The following NOTCH2NLR variants were observed in gnomAD, a reference collection of about 807,000 sequenced individuals.
NOTCH2NLR encodes the protein notch 2 N-terminal like R, also known as notch 2 N-terminal like R (pseudogene).
Under a neutral mutation model 35.6 loss-of-function variants are expected in NOTCH2NLR, and 33 were observed. That is an observed-to-expected ratio of 0.93 (90% CI 0.70 to 1.24). NOTCH2NLR has a LOEUF of 1.24. NOTCH2NLR is among the 50% of genes most tolerant of loss of function. The pLI, the probability that NOTCH2NLR is intolerant of heterozygous loss-of-function variation, is 0.00. For synonymous variants in NOTCH2NLR, 103 were observed against 141.0 expected (o/e 0.73, Z 1.91); for missense variants, 276 against 362.2 (o/e 0.76, Z 1.93).
chr1:120,724,630 G>C (rs1241788009), intron 1 of NOTCH2NLR, among the ~76,000 whole-genome samples: 1 of 121,304 alleles, frequency 8.2e-6, no homozygotes, highest in Non-Finnish European at 1.6e-5. Flanking sequence ...GCCTCGGAGG[G>C]GCTGAGCGAA....
At chr1:120,752,587 T>TTTTTTC (rs1651036534) in intron 1 of NOTCH2NLR, among the ~76,000 whole-genome samples, 2 of 40,252 alleles carry the variant, frequency 5.0e-5, no homozygotes, top group Non-Finnish European at 7.8e-5. Context: ...TTTTTTTTTT[T>TTTTTTC]TCAGGCAGAG....
At position 120,763,099 on chromosome 1, in the gene NOTCH2NLR, T is replaced by C. The variant is rs1273126875; in HGVS notation, c.74-529T>C. Among the ~76,000 whole-genome samples, 6 of 67,436 alleles carry C rather than the reference T, an allele frequency of 8.9e-5. 1 individual carries two copies. Among genetic ancestry groups the C allele is most frequent in the Admixed American group, 8.8e-4 (6 of 6,842 alleles). 44.2% of individuals were successfully genotyped at this position (67,436 alleles called of 152,430 possible). A position where few individuals can be genotyped will look rare whatever the true frequency, so the allele number is the denominator to read the frequency against. ...TATTCCATTTCTCCTTTTTTCTGGA[T>C]CCTAATTTTGTGCCTGGTGCATACT... is the stretch of plus-strand genomic sequence containing the variant. On this transcript the variant is annotated intron_variant, in intron 1 of 4. Transcript: ENST00000624419.
chr1:120,784,919 T>A (rs1651404325), intron 2 of NOTCH2NLR, 55 bp from the exon 3 acceptor site: 1 of 1,059,976 alleles, frequency 9.4e-7, no homozygotes, highest in Admixed American at 2.2e-5. Context: ...TACTGTAATT[T>A]TTTGGACTTA....
Position 120,747,436 on chromosome 1 carries a change from C to T in NOTCH2NLR, c.74-16192C>T, listed in dbSNP as rs2101374061. Among the ~76,000 whole-genome samples, 2 of 28,834 alleles carry T rather than the reference C, an allele frequency of 6.9e-5. 1 individual carries two copies. The highest frequency in any genetic ancestry group is 1.7e-3 in the East Asian group (2 of 1,160). 18.9% of individuals were successfully genotyped at this position (28,834 alleles called of 152,430 possible). ...AGTTTCTTTGCATTTTTCTGGCATA[C>T]TGTATACTCTTGAGCGCATATGTAT... is the stretch of plus-strand genomic sequence containing the variant. On this transcript the variant is annotated intron_variant, in intron 1 of 4. Coordinates refer to ENST00000624419, the Ensembl canonical transcript of NOTCH2NLR.
rs1651481166 is a variant in NOTCH2NLR, at chr1:120,790,604, C to G, written c.416-2557C>G. Among the ~76,000 whole-genome samples, 7 of 103,728 alleles carry G rather than the reference C, an allele frequency of 6.7e-5. 2 individuals carry two copies. The South Asian group carries it at 2.0e-3, about 29-fold the overall frequency. 68.0% of individuals were successfully genotyped at this position (103,728 alleles called of 152,430 possible). ...TCTTTCTTTCTTTCTCTTTCTCTCT[C>G]TTTCCCTCTCTCTTTCTGTCTTTCT... On this transcript the variant is annotated intron_variant, in intron 3 of 4. Coordinates refer to ENST00000624419, the Ensembl canonical transcript of NOTCH2NLR.
chr1:120,728,057 G>T lies in NOTCH2NLR; in HGVS notation c.73+3807G>T, dbSNP rs1448173754. On this transcript the variant is annotated intron_variant, in intron 1 of 4. Coordinates refer to ENST00000624419, the Ensembl canonical transcript of NOTCH2NLR. ...GTTGAGACTAGAATTCCTTTCTTCT[G>T]GTGTCCAGTGCCTCATTCACTGTCC... Among the ~76,000 whole-genome samples, 3 of 118,168 alleles carry T rather than the reference G, an allele frequency of 2.5e-5. 1 individual carries two copies. The highest frequency in any genetic ancestry group is 4.9e-5 in the Non-Finnish European group (3 of 61,268). 77.5% of individuals were successfully genotyped at this position (118,168 alleles called of 152,430 possible). A position where few individuals can be genotyped will look rare whatever the true frequency, so the allele number is the denominator to read the frequency against.
At chr1:120,794,489 C>T (rs1321748669), downstream of NOTCH2NLR, among the ~76,000 whole-genome samples, 3 of 112,392 alleles carry the variant, frequency 2.7e-5, 1 homozygote, top group Non-Finnish European at 5.0e-5. Context: ...AGCAGAATTG[C>T]CTCAAAAAGA....
rs1227836804 is a variant in NOTCH2NLR at position 120,790,214 on chromosome 1, C to T, written c.416-2947C>T. The stretch of plus-strand genomic sequence containing the variant: ...TATTTTTAGTAGAGATGGGCTTTCA[C>T]CTTGTTAGCCAGAATGGTCTGGATC... On this transcript the variant is annotated intron_variant, in intron 3 of 4. Transcript: ENST00000624419. Among the ~76,000 whole-genome samples, 5 of 104,814 alleles carry T rather than the reference C, an allele frequency of 4.8e-5. 1 individual carries two copies. Among genetic ancestry groups the T allele is most frequent in the East Asian group, 2.3e-4 (1 of 4,350 alleles). 68.8% of individuals were successfully genotyped at this position (104,814 alleles called of 152,430 possible).
At chr1:120,793,624 G>A in intron 4 of NOTCH2NLR, 123 bp from the exon 5 acceptor site, 1 of 681,474 alleles carries the variant, frequency 1.5e-6, no homozygotes, top group Non-Finnish European at 2.4e-6. Context: ...TGTGGGGTGG[G>A]TTGCTAGTGA....
Position 120,756,216 on chromosome 1 carries a change from C to A in NOTCH2NLR, c.74-7412C>A, listed in dbSNP as rs1302966260. Among the ~76,000 whole-genome samples, 3 of 112,768 alleles carry A rather than the reference C, an allele frequency of 2.7e-5. 1 individual carries two copies. The highest frequency in any genetic ancestry group is 5.0e-5 in the Non-Finnish European group (3 of 59,512). The allele number at this position is 112,768 out of a possible 152,430, so 74.0% of individuals were successfully genotyped here. A position where few individuals can be genotyped will look rare whatever the true frequency, so the allele number is the denominator to read the frequency against. ...CTCCTATTTTTGGTAATAATGCAGGCAGTCATTTTAGAAAACTTTGCTTTG... is the reference window on the plus strand; with the variant it reads ...CTCCTATTTTTGGTAATAATGCAGGAAGTCATTTTAGAAAACTTTGCTTTG... On this transcript the variant is annotated intron_variant, in intron 1 of 4. Transcript: ENST00000624419.
chr1:120,752,554 ATT>A (rs1188849971), intron 1 of NOTCH2NLR, among the ~76,000 whole-genome samples: 5 of 3,740 alleles, frequency 1.3e-3, no homozygotes, highest in African/African-American at 3.4e-3. Context: ...ATATATATAT[ATT>A]TTTTTTTTTT....
rs1455951208 is a variant in NOTCH2NLR, at chr1:120,768,619, A to G, written c.155+4910A>G. ...TGTACCTTCACGATAAAAAAAAAAAACAAAACTGTAAATGTGGGTTTCATA... is the reference window on the plus strand; with the variant it reads ...TGTACCTTCACGATAAAAAAAAAAAGCAAAACTGTAAATGTGGGTTTCATA... On this transcript the variant is annotated intron_variant, in intron 2 of 4. Transcript: ENST00000624419. 1.8e-5 allele frequency among the ~76,000 whole-genome samples: 2 copies of G among 110,160 alleles called. 1 individual carries two copies. The highest frequency in any genetic ancestry group is 1.1e-4 in the African/African-American group (2 of 17,836). The allele number at this position is 110,160 out of a possible 152,430, so 72.3% of individuals were successfully genotyped here. A position where few individuals can be genotyped will look rare whatever the true frequency, so the allele number is the denominator to read the frequency against.
rs1296350000 is a variant in NOTCH2NLR at position 120,724,259 on chromosome 1, CG to C, written c.73+12del. ...GGCGGCCCCCGCGCATGGTGAGTAT[CG>C]GGCTGAGGGGCGCTGTCCGCGGCGC... On this transcript the variant is annotated intron_variant, in intron 1 of 4. Coordinates refer to ENST00000624419, the Ensembl canonical transcript of NOTCH2NLR. 7.2e-7 allele frequency: 1 copy of C among 1,396,098 alleles called. No homozygotes were observed. Among genetic ancestry groups the C allele is most frequent in the Non-Finnish European group, 9.4e-7 (1 of 1,065,268 alleles). The allele number at this position is 1,396,098 out of a possible 1,614,324, so 86.5% of individuals were successfully genotyped here. A position where few individuals can be genotyped will look rare whatever the true frequency, so the allele number is the denominator to read the frequency against.
rs1207673042 is a variant in NOTCH2NLR, at chr1:120,724,298, C to A, written c.73+48C>A. The A allele has an allele frequency of 2.1e-5, 29 of 1,366,942 alleles. 8 individuals are homozygous for A. Among genetic ancestry groups the A allele is most frequent in the African/African-American group, 5.4e-5 (2 of 37,284 alleles). 84.7% of individuals were successfully genotyped at this position (1,366,942 alleles called of 1,614,324 possible). A position where few individuals can be genotyped will look rare whatever the true frequency, so the allele number is the denominator to read the frequency against. ...CTGTCCGCGGCGCCCGGGGCTGCCA[C>A]CTGGGGCGACCCTTCTCCCCCTCAG... On this transcript the variant is annotated intron_variant, in intron 1 of 4. Transcript: ENST00000624419.
At chr1:120,772,509 A>G (rs1651271459) in intron 2 of NOTCH2NLR, among the ~76,000 whole-genome samples, 1 of 34,636 alleles carries the variant, frequency 2.9e-5, no homozygotes, top group African/African-American at 6.7e-5. Context: ...CTTCACTAGC[A>G]CTTAGTCCTC....
chr1:120,737,774 C>A (rs1650921590), intron 1 of NOTCH2NLR, among the ~76,000 whole-genome samples: 1 of 123,528 alleles, frequency 8.1e-6, no homozygotes, highest in East Asian at 2.0e-4. Context: ...GAGTTACTTT[C>A]TCAGAAAAGG....
At chr1:120,790,239 C>A (rs1363662710) in intron 3 of NOTCH2NLR, among the ~76,000 whole-genome samples, 1 of 106,328 alleles carries the variant, frequency 9.4e-6, no homozygotes, top group South Asian at 2.7e-4. Context: ...TGGTCTGGAT[C>A]GCCTGACCTC....
intron 1 of NOTCH2NLR, among the ~76,000 whole-genome samples, chr1:120,759,060 G>A (rs1157645588): frequency 9.9e-6 from 1 of 100,712 alleles, no homozygotes; most frequent in Admixed American, 9.9e-5. Context: ...AGGACAGGGA[G>A]TTTATTCTGT....
rs1172538490 is a variant in NOTCH2NLR, at chr1:120,765,990, G to T, written c.155+2281G>T. On this transcript the variant is annotated intron_variant, in intron 2 of 4. Coordinates refer to ENST00000624419, the Ensembl canonical transcript of NOTCH2NLR. ...CACTGGGGCCTGTCAGGGGGTGGGG[G>T]GAAAGGGAGGGGAGAGCATTAGGAT... Among the ~76,000 whole-genome samples, 2 of 30,512 alleles carry T rather than the reference G, an allele frequency of 6.6e-5. 1 individual carries two copies. The highest frequency in any genetic ancestry group is 1.1e-4 in the Non-Finnish European group (2 of 17,640). 20.0% of individuals were successfully genotyped at this position (30,512 alleles called of 152,430 possible).
Sources: allele counts gnomAD v4.1 joint callset (sites outside exome capture counted in the v4.1 genomes callset), GRCh38; gene constraint gnomAD v4.1.1; transcripts MANE v1.5; gene names NCBI Gene and HGNC (gene_info 2026-07-23, HGNC 2026-07-21).